PRDM5: variants seen among roughly 807,000 people sequenced by gnomAD.
PRDM5 encodes the protein PR domain zinc finger protein 5.
A neutral mutation model predicts 81.2 loss-of-function variants in PRDM5; 56 were observed. The ratio of observed to expected loss-of-function variants is 0.69; its 90% CI spans 0.56 to 0.86. The LOEUF is 0.86. PRDM5 is among the 40% of genes least tolerant of loss of function. The probability of loss-of-function intolerance (pLI) is 0.00; values close to 1 mark genes in which losing one functional copy is unlikely to be tolerated. For missense variants in PRDM5, 697 were observed against 770.1 expected (o/e 0.91, Z 1.12); for synonymous variants, 267 against 256.4 (o/e 1.04, Z -0.39).
chr4:120,815,088 T>C (rs1002426229), intron 7 of PRDM5, among the ~76,000 whole-genome samples: 2 of 152,240 alleles, frequency 1.3e-5, no homozygotes, highest in Non-Finnish European at 2.9e-5. Flanking sequence ...TCTGGTTTTT[T>C]ACTTAGTTCA....
intron 7 of PRDM5, among the ~76,000 whole-genome samples, chr4:120,815,543 A>G (rs1253001122): frequency 6.6e-6 from 1 of 152,238 alleles, no homozygotes; most frequent in Non-Finnish European, 1.5e-5. Context: ...TTGGACAATG[A>G]ACAAATACAG....
chr4:120,786,395 A>G (rs1749766941), intron 10 of PRDM5, among the ~76,000 whole-genome samples: 1 of 151,732 alleles, frequency 6.6e-6, no homozygotes, highest in Non-Finnish European at 1.5e-5. Context: ...ACATAGATCA[A>G]TAAAACAGAA....
rs542507317 is a variant in PRDM5 at position 120,818,465 on chromosome 4, C to A, written c.538G>T (p.Asp180Tyr). 1.5e-5 allele frequency: 24 copies of A among 1,613,688 alleles called. No individual in the cohort carries two copies. The Middle Eastern group carries it at 8.2e-4, about 55-fold the overall frequency. The change falls in exon 5 of 16, where the codon GAT becomes TAT. Residue 180 changes from aspartate to tyrosine, a missense_variant. Transcript: ENST00000264808. Reference protein sequence around the residue: ...PQCESSFTSEDILAEHLQTLH... With the variant: ...PQCESSFTSEYILAEHLQTLH... ...GTCTGGAGATGCTCAGCAAGAATAT[C>A]CTCACTGGTAAAACTCGATTCACAT...
At chr4:120,897,174 G>A (rs1463249813) in intron 2 of PRDM5, 2 of 152,022 alleles carry the variant, frequency 1.3e-5, no homozygotes, top group Non-Finnish European at 2.9e-5. Flanking sequence ...ACATAGAAGT[G>A]ACTCAAAGAA....
At position 120,921,080 on chromosome 4, in the gene PRDM5, C is replaced by T. The variant is rs567975228; in HGVS notation, c.93+1436G>A. ...AATCTTTGCAGAGTTGTTTACAGTA[C>T]TCTTCATAACATTAAATAAAATGAT... is the stretch of plus-strand genomic sequence containing the variant. On this transcript the variant is annotated intron_variant, in intron 1 of 15. Transcript: ENST00000264808. Among the ~76,000 whole-genome samples, 4 of 152,242 alleles carry T rather than the reference C, an allele frequency of 2.6e-5. No individual in the cohort carries two copies. The East Asian group carries it at 5.8e-4, about 22-fold the overall frequency.
At chr4:120,744,279 CA>C (rs1243660456) in intron 14 of PRDM5, among the ~76,000 whole-genome samples, 1 of 152,134 alleles carries the variant, frequency 6.6e-6, no homozygotes, top group Admixed American at 6.5e-5. Context: ...ACATTCAAAG[CA>C]GTGTGTAGAG....
intron 3 of PRDM5, among the ~76,000 whole-genome samples, chr4:120,830,640 GA>G (rs1437503059): frequency 1.3e-5 from 2 of 152,036 alleles, no homozygotes; most frequent in African/African-American, 4.8e-5. Context: ...ATGTGAGGCA[GA>G]AAATGACAGA....
At chr4:120,684,500 A>G (rs539102727), downstream of PRDM5, among the ~76,000 whole-genome samples, 1 of 152,084 alleles carries the variant, frequency 6.6e-6, no homozygotes, top group South Asian at 2.1e-4. Flanking sequence ...AACATACCCT[A>G]CTATTCAGAT....
intron 2 of PRDM5, among the ~76,000 whole-genome samples, chr4:120,888,663 C>G (rs72680468): frequency 0.074 from 11,301 of 152,022 alleles, 546 homozygotes; most frequent in Middle Eastern, 0.19. Context: ...ATATTCAGCT[C>G]TAGTAGATAC....
At chr4:120,729,794 T>A (rs1270190910) in intron 14 of PRDM5, among the ~76,000 whole-genome samples, 2 of 152,080 alleles carry the variant, frequency 1.3e-5, no homozygotes, top group East Asian at 3.9e-4. Context: ...AAGGTATAAG[T>A]GAAGGGAAAA....
Position 120,811,441 on chromosome 4 carries a change from T to C in PRDM5, c.874A>G (p.Lys292Glu). The change falls in exon 8 of 16, where the codon AAG becomes GAG. Residue 292 changes from lysine to glutamate, a missense_variant. Physicochemically the swap from Lys to Glu is moderately conservative, Grantham distance 56. Coordinates refer to ENST00000264808, the MANE Select transcript of PRDM5 (RefSeq NM_018699.4). ...HQENVHTGDP[K>E]KKLICSVCNK... ...CACACTGAACATATAAGCTTTTTCT[T>C]AGGATCTCCTAAAATAGAAATAAAA... The C allele has an allele frequency of 6.3e-7, 1 of 1,581,370 alleles. No homozygotes were observed. Among genetic ancestry groups the C allele is most frequent in the Non-Finnish European group, 8.7e-7 (1 of 1,152,410 alleles).
intron 1 of PRDM5, among the ~76,000 whole-genome samples, chr4:120,912,932 T>C (rs1766684877): frequency 6.6e-6 from 1 of 152,234 alleles, no homozygotes; most frequent in African/African-American, 2.4e-5. Flanking sequence ...CTACTGTGCA[T>C]GGATGTGCCT....
chr4:120,699,886 C>A (rs1735104662), intron 15 of PRDM5, among the ~76,000 whole-genome samples: 1 of 151,792 alleles, frequency 6.6e-6, no homozygotes, highest in African/African-American at 2.4e-5. Context: ...AAATATCAAA[C>A]AACCAATATC....
intron 13 of PRDM5, among the ~76,000 whole-genome samples, chr4:120,758,557 A>C (rs1287106258): frequency 6.6e-6 from 1 of 152,096 alleles, no homozygotes; most frequent in African/African-American, 2.4e-5. Context: ...ATGCCGCCAC[A>C]AGCCAAGAAC....
downstream of PRDM5, among the ~76,000 whole-genome samples, chr4:120,689,677 G>A (rs1000070452): frequency 2.6e-5 from 4 of 151,552 alleles, no homozygotes; most frequent in African/African-American, 9.7e-5. Flanking sequence ...TGCAATCTTG[G>A]CTCACTGCTA....
intron 3 of PRDM5, among the ~76,000 whole-genome samples, chr4:120,850,916 A>T (rs1326423092): frequency 6.6e-6 from 1 of 152,188 alleles, no homozygotes; most frequent in Non-Finnish European, 1.5e-5. Context: ...TGCCTACAAT[A>T]TGATAACATA....
chr4:120,766,179 C>T (rs551277640), intron 13 of PRDM5, among the ~76,000 whole-genome samples: 81 of 152,200 alleles, frequency 5.3e-4, no homozygotes, highest in African/African-American at 1.8e-3. Context: ...AGACTGGTTT[C>T]GAACACCTGA....
At chr4:120,877,203 T>C (rs1224516068) in intron 2 of PRDM5, among the ~76,000 whole-genome samples, 1 of 152,172 alleles carries the variant, frequency 6.6e-6, no homozygotes, top group Non-Finnish European at 1.5e-5. Flanking sequence ...TTCAGCTATA[T>C]TTTTACGGCC....
intron 8 of PRDM5, among the ~76,000 whole-genome samples, chr4:120,805,613 T>A (rs1752797556): frequency 6.6e-6 from 1 of 152,202 alleles, no homozygotes; most frequent in Non-Finnish European, 1.5e-5. Context: ...CATGATTATC[T>A]CAATAGATAC....
Sources: allele counts gnomAD v4.1 joint callset (sites outside exome capture counted in the v4.1 genomes callset), GRCh38; gene constraint gnomAD v4.1.1; transcripts MANE v1.5; gene names NCBI Gene and HGNC (gene_info 2026-07-23, HGNC 2026-07-21).